ANKRD12: variants seen among roughly 807,000 people sequenced by gnomAD.
ANKRD12 encodes the protein ankyrin repeat domain 12.
ANKRD12 carries 85 observed loss-of-function variants against 183.4 expected under a neutral mutation model. That is an observed-to-expected ratio of 0.46 (90% CI 0.39 to 0.56). ANKRD12 has a LOEUF of 0.56. Ranked by LOEUF, ANKRD12 falls within the 20% of genes least tolerant of loss-of-function variation. ANKRD12 has a pLI of 0.00. For missense variants in ANKRD12, 2,405 were observed against 2,357.1 expected (o/e 1.02, Z -0.42); for synonymous variants, 914 against 800.2 (o/e 1.14, Z -2.40).
At position 9,285,910 on chromosome 18, in the gene ANKRD12, A is replaced by G. The variant is rs2040206417; in HGVS notation, c.*4784A>G. On this transcript the variant is annotated 3_prime_UTR_variant, in exon 13 of 13. Coordinates refer to ENST00000262126, the MANE Select transcript of ANKRD12 (RefSeq NM_015208.5). ...AGTAGTGTATTGTACAAATTTGTTT[A>G]TTCGTTCTCTTGTTGGTATTTGGAT... 1.3e-5 allele frequency: 2 copies of G among 152,184 alleles called. No individual in the cohort carries two copies. Among genetic ancestry groups the G allele is most frequent in the Non-Finnish European group, 2.9e-5 (2 of 68,024 alleles). The allele number at this position is 152,184 out of a possible 1,614,324, so 9.4% of individuals were successfully genotyped here.
At chr18:9,215,461 G>A (rs2036044086) in intron 6 of ANKRD12, among the ~76,000 whole-genome samples, 1 of 152,052 alleles carries the variant, frequency 6.6e-6, no homozygotes, top group Non-Finnish European at 1.5e-5. Context: ...CTGTCTTTTA[G>A]TGTCCTCTGG....
intron 8 of ANKRD12, among the ~76,000 whole-genome samples, chr18:9,238,300 T>G (rs2037462478): frequency 6.6e-6 from 1 of 152,176 alleles, no homozygotes; most frequent in South Asian, 2.1e-4. Flanking sequence ...GCATACTCTC[T>G]CAAGTAAATT....
intron 1 of ANKRD12, among the ~76,000 whole-genome samples, chr18:9,172,303 C>A (rs763295688): frequency 5.3e-5 from 8 of 152,110 alleles, no homozygotes; most frequent in Non-Finnish European, 7.3e-5. Context: ...TGGATGATAT[C>A]CTGAAGTATG....
intron 1 of ANKRD12, among the ~76,000 whole-genome samples, chr18:9,181,627 T>G (rs934889960): frequency 6.6e-6 from 1 of 152,206 alleles, no homozygotes; most frequent in African/African-American, 2.4e-5. Flanking sequence ...TTAATTAATT[T>G]TAAATTGCCA....
At position 9,258,540 on chromosome 18, in the gene ANKRD12, CAGAAAA is replaced by C. The variant is rs772622184; in HGVS notation, c.5277_5282del (p.Glu1759_Lys1760del). ...ATTCTTGCTAGCTGTACACTATTATCAGAAAAAGACAGTGAATCCTCATCTCCTAGA... is the reference window on the plus strand; with the variant it reads ...ATTCTTGCTAGCTGTACACTATTATCAGACAGTGAATCCTCATCTCCTAGA... On this transcript the variant is annotated inframe_deletion, in exon 9 of 13. Coordinates refer to ENST00000262126, the MANE Select transcript of ANKRD12 (RefSeq NM_015208.5). The C allele has an allele frequency of 6.2e-7, 1 of 1,613,582 alleles. No homozygotes were observed. The highest frequency in any genetic ancestry group is 8.5e-7 in the Non-Finnish European group (1 of 1,179,864).
intron 1 of ANKRD12, among the ~76,000 whole-genome samples, chr18:9,152,085 G>C (rs546780848): frequency 6.6e-6 from 1 of 152,252 alleles, no homozygotes; most frequent in South Asian, 2.1e-4. Context: ...AAATAATTTG[G>C]ACTTTGCTCT....
chr18:9,157,757 A>T (rs913849584), intron 1 of ANKRD12, among the ~76,000 whole-genome samples: 5 of 151,930 alleles, frequency 3.3e-5, no homozygotes, highest in African/African-American at 4.8e-5. Context: ...TCTAAAAAAT[A>T]TGCAACAAAA....
chr18:9,263,768 C>CTA, intron 9 of ANKRD12, 22 bp from the exon 10 acceptor site: 4 of 1,466,700 alleles, frequency 2.7e-6, no homozygotes, highest in Non-Finnish European at 2.7e-6. Flanking sequence ...ATATTTTAAA[C>CTA]TATATATATC....
intron 10 of ANKRD12, among the ~76,000 whole-genome samples, chr18:9,266,348 G>A (rs1347506233): frequency 6.6e-6 from 1 of 152,218 alleles, no homozygotes; most frequent in East Asian, 1.9e-4. Context: ...AGGAAAAAAT[G>A]TTAAGGGCAG....
chr18:9,176,518 T>A (rs2033282308), intron 1 of ANKRD12, among the ~76,000 whole-genome samples: 2 of 152,034 alleles, frequency 1.3e-5, no homozygotes, highest in Non-Finnish European at 2.9e-5. Flanking sequence ...CTTAAACTCC[T>A]GAGCTCAAGC....
At chr18:9,263,990 A>T (rs1180293818) in intron 10 of ANKRD12, 102 bp downstream of exon 10, 11 of 1,058,630 alleles carry the variant, frequency 1.0e-5, no homozygotes, top group Non-Finnish European at 1.4e-5. Context: ...TAAAATTTAG[A>T]ACCATTTTGA....
intron 4 of ANKRD12, 106 bp from the exon 5 acceptor site, chr18:9,208,551 A>G (rs2035610923): frequency 1.1e-6 from 1 of 918,780 alleles, no homozygotes; most frequent in African/African-American, 1.7e-5. Flanking sequence ...TATATTGTAC[A>G]CATTTCTCAT....
chr18:9,257,450 G>C lies in ANKRD12; in HGVS notation c.4183G>C (p.Val1395Leu), dbSNP rs147675521. 2 of 1,614,090 alleles carry C rather than the reference G, an allele frequency of 1.2e-6. No individual in the cohort carries two copies. ...DRNLIKNTAPVNTVMDSPVHL... is the reference protein window; with the variant it reads ...DRNLIKNTAPLNTVMDSPVHL... The stretch of plus-strand genomic sequence containing the variant: ...AAATCTCATCAAGAATACTGCCCCA[G>C]TGAACACTGTAATGGACAGTCCAGT... The change falls in exon 9 of 13, where the codon GTG becomes CTG. Residue 1395 changes from valine (V) to leucine (L), a missense_variant. Around this residue, in one of 7 missense-constraint regions of ANKRD12, gnomAD observed 1,983 missense variants for 1,725.9 expected, o/e 1.15. Transcript: ENST00000262126.
chr18:9,174,723 T>G (rs4130178), intron 1 of ANKRD12, among the ~76,000 whole-genome samples: 118,633 of 152,094 alleles, frequency 0.78, 46,504 homozygotes, highest in Middle Eastern at 0.88. Context: ...GGACATTTCA[T>G]TTGAAGGTGC....
intron 1 of ANKRD12, among the ~76,000 whole-genome samples, chr18:9,164,357 C>G (rs12959948): frequency 0.018 from 2,740 of 152,146 alleles, 33 homozygotes; most frequent in Non-Finnish European, 0.03. Flanking sequence ...ACCTTGCATG[C>G]CAGGGGTGAA....
At position 9,186,137 on chromosome 18, in the gene ANKRD12, A is replaced by T. The variant is rs370563193; in HGVS notation, c.87+3618A>T. Among the ~76,000 whole-genome samples, 780 of 126,592 alleles carry T rather than the reference A, an allele frequency of 6.2e-3. 2 individuals carry two copies. Among genetic ancestry groups the T allele is most frequent in the Non-Finnish European group, 9.8e-3 (583 of 59,646 alleles). The allele number at this position is 126,592 out of a possible 152,430, so 83.0% of individuals were successfully genotyped here. On this transcript the variant is annotated intron_variant, in intron 2 of 12. Coordinates refer to ENST00000262126, the MANE Select transcript of ANKRD12 (RefSeq NM_015208.5). ...TGAATATTGCCCTCCTAAAAGTGTG[A>T]TTTTTTTTTTTTTTTTTTTTTGAGA... is the stretch of plus-strand genomic sequence containing the variant.
chr18:9,178,379 C>A lies in ANKRD12; in HGVS notation c.-51-4003C>A, dbSNP rs537514502. Among the ~76,000 whole-genome samples the A allele has an allele frequency of 9.3e-4, 141 of 151,620 alleles. No homozygotes were observed. The South Asian group carries it at 0.028, about 30-fold the overall frequency. On this transcript the variant is annotated intron_variant, in intron 1 of 12. Transcript: ENST00000262126. ...TTTGGATATACAGTTTTTCCAAGAC[C>A]GTTTATTGAAAGGAATATATCCTTT...
intron 8 of ANKRD12, among the ~76,000 whole-genome samples, chr18:9,231,033 G>A (rs1047413873): frequency 4.6e-5 from 7 of 152,082 alleles, no homozygotes; most frequent in East Asian, 1.9e-4. Flanking sequence ...TCTAGTGGTC[G>A]TTCATGAGCA....
intron 2 of ANKRD12, among the ~76,000 whole-genome samples, chr18:9,186,588 T>C (rs1430604788): frequency 6.6e-6 from 1 of 152,106 alleles, no homozygotes; most frequent in Admixed American, 6.5e-5. Context: ...TTTAACCCCT[T>C]ATTTTACCTT....
Sources: allele counts gnomAD v4.1 joint callset (sites outside exome capture counted in the v4.1 genomes callset), GRCh38; gene constraint gnomAD v4.1.1; regional missense constraint gnomAD v4.1.1; transcripts MANE v1.5; gene names NCBI Gene and HGNC (gene_info 2026-07-23, HGNC 2026-07-21).